Variants in SELENON observed in about 807,000 individuals in gnomAD.
SELENON encodes the protein selenoprotein N, 1.
In SELENON, 44 loss-of-function variants were observed where a neutral mutation model predicts 59.5. The observed-to-expected ratio is 0.74, with a 90% confidence interval of 0.58 to 0.95. The LOEUF (loss-of-function observed/expected upper bound fraction) is 0.95. Among genes scored for constraint, SELENON ranks in the 40% least tolerant of loss-of-function variants. The pLI is 0.00. For synonymous variants in SELENON, 320 were observed against 305.6 expected, an observed-to-expected ratio of 1.05 and a Z score of -0.49; for missense variants, 674 against 721.4, an observed-to-expected ratio of 0.93 and a Z score of 0.75.
In SELENON at chr1:25,812,804, G is replaced by A. The variant is rs764241591; in HGVS notation, c.1387+12G>A. 3.9e-5 allele frequency: 62 copies of A among 1,596,836 alleles called. No homozygotes were observed. The Admixed American group carries it at 5.4e-4, about 14-fold the overall frequency. ...CCAGTCCTGCTGAGGTGAGGGGCCC[G>A]GCTGGATCTAAGGGGAGCAGTGGGA... On this transcript the variant is annotated intron_variant, in intron 10 of 12. Transcript: ENST00000361547.
intron 10 of SELENON, 150 bp downstream of exon 9, chr1:25,812,942 G>A (rs2047979370): frequency 3.2e-6 from 2 of 630,794 alleles, no homozygotes; most frequent in East Asian, 2.8e-5. Flanking sequence ...GGGCTTGGGG[G>A]TTTCTGTGCT....
In SELENON at chr1:25,800,243, C is replaced by G; in HGVS notation, c.13C>G (p.Arg5Gly). ...GCCAGCCGCAGCCATGGGCCGGGCC[C>G]GGCCGGGCCAACGCGGGCCGCCCAG... The change falls in exon 1 of 13, where the codon CGG (arginine) becomes GGG (glycine). Residue 5 changes from arginine (R) to glycine (G), a missense_variant. Physicochemically the swap from Arg to Gly is moderately radical, Grantham distance 125. Transcript: ENST00000361547. 9 of 867,862 alleles carry G rather than the reference C, an allele frequency of 1.0e-5. No individual in the cohort carries two copies. Among genetic ancestry groups the G allele is most frequent in the Non-Finnish European group, 1.2e-5 (9 of 725,368 alleles). 53.8% of individuals were successfully genotyped at this position (867,862 alleles called of 1,614,324 possible). A position where few individuals can be genotyped will look rare whatever the true frequency, so the allele number is the denominator to read the frequency against.
chr1:25,800,499 A>C, intron 1 of SELENON, 86 bp downstream of exon 1: 1 of 728,438 alleles, frequency 1.4e-6, no homozygotes, highest in Non-Finnish European at 1.7e-6. Flanking sequence ...ATGGGCATGG[A>C]CGAGTCGGGG....
intron 4 of SELENON, 74 bp from the exon 4 acceptor site, chr1:25,808,504 ACC>A: frequency 1.9e-6 from 3 of 1,543,152 alleles, no homozygotes; most frequent in Non-Finnish European, 2.7e-6. Context: ...CTTGAGGGAG[ACC>A]TCCACCCACA....
intron 3 of SELENON, among the ~76,000 whole-genome samples, chr1:25,803,160 C>T (rs904227118): frequency 6.6e-6 from 1 of 152,218 alleles, no homozygotes; most frequent in Admixed American, 6.5e-5. Flanking sequence ...CTTGCCTGTA[C>T]TTCTTGTTTT....
At position 25,809,153 on chromosome 1, in the gene SELENON, G is replaced by A; in HGVS notation, c.872+3G>A. 6.2e-7 allele frequency: 1 copy of A among 1,613,680 alleles called. No homozygotes were observed. Among genetic ancestry groups the A allele is most frequent in the Non-Finnish European group, 8.5e-7 (1 of 1,180,020 alleles). On this transcript the variant is annotated splice_donor_region_variant and intron_variant, in intron 6 of 12. Coordinates refer to ENST00000361547, the MANE Select transcript of SELENON (RefSeq NM_020451.3). Reference sequence around the variant, plus strand: ...TTCTACTACACTGTGATGTTCCGGTGAGTGGGCCACACTGGCTGGCCTGGA... The same window carrying A: ...TTCTACTACACTGTGATGTTCCGGTAAGTGGGCCACACTGGCTGGCCTGGA...
In SELENON at chr1:25,813,242, G is replaced by A. The variant is rs561975879; in HGVS notation, c.1387+450G>A. Among the ~76,000 whole-genome samples, 16 of 152,336 alleles carry A rather than the reference G, an allele frequency of 1.1e-4. No homozygotes were observed. In the South Asian group the frequency reaches 2.9e-3, roughly 28 times the overall value. On this transcript the variant is annotated intron_variant, in intron 10 of 12. Coordinates refer to ENST00000361547, the MANE Select transcript of SELENON (RefSeq NM_020451.3). Reference sequence around the variant, plus strand: ...TCACCAGAGGCCCCCTAGATGCAACGTCCTTTGGGTGTCTGGCAGTGGGCA... The same window carrying A: ...TCACCAGAGGCCCCCTAGATGCAACATCCTTTGGGTGTCTGGCAGTGGGCA...
intron 4 of SELENON, 81 bp from the exon 4 acceptor site, chr1:25,808,499 G>C: frequency 6.5e-7 from 1 of 1,546,324 alleles, no homozygotes; most frequent in Non-Finnish European, 8.9e-7. Flanking sequence ...CGGGGCTTGA[G>C]GGAGACCTCC....
chr1:25,813,589 T>C (rs1281692366), intron 10 of SELENON: 1 of 485,018 alleles, frequency 2.1e-6, no homozygotes, highest in Non-Finnish European at 4.0e-6. Context: ...AGGAACAGCC[T>C]GTGTGAAGGC....
Position 25,815,947 on chromosome 1 carries a change from G to A in SELENON, c.*229G>A, listed in dbSNP as rs545803890. 3.2e-5 allele frequency: 18 copies of A among 557,594 alleles called. No homozygotes were observed. The highest frequency in any genetic ancestry group is 4.9e-5 in the Non-Finnish European group (15 of 309,026). The allele number at this position is 557,594 out of a possible 1,614,324, so 34.5% of individuals were successfully genotyped here. On this transcript the variant is annotated 3_prime_UTR_variant, in exon 13 of 13. Coordinates refer to ENST00000361547, the MANE Select transcript of SELENON (RefSeq NM_020451.3). The stretch of plus-strand genomic sequence containing the variant: ...GAACCTCTAGCTCTGACTGTCACTC[G>A]GCTCTCCCTACCCATTTGGCTCTGG...
intron 3 of SELENON, 94 bp from the exon 3 acceptor site, chr1:25,805,048 C>G: frequency 6.4e-7 from 1 of 1,559,492 alleles, no homozygotes; most frequent in Non-Finnish European, 8.8e-7. Flanking sequence ...CACCCCCTGC[C>G]TGGCTCCGTT....
At chr1:25,814,027 G>A (rs781272454) in intron 11 of SELENON, 34 bp downstream of exon 10, 25 of 1,610,998 alleles carry the variant, frequency 1.6e-5, no homozygotes, top group Admixed American at 1.3e-4. Context: ...AGGAGCGTCC[G>A]GAACAGTGGT....
intron 1 of SELENON, 152 bp from the exon 2 acceptor site, chr1:25,800,891 C>G: frequency 1.3e-6 from 1 of 759,512 alleles, no homozygotes; most frequent in East Asian, 2.5e-5. Flanking sequence ...TGGGGCAGTT[C>G]AGAGGCAACA....
At position 25,815,902 on chromosome 1, in the gene SELENON, C is replaced by T. The variant is rs2048007175; in HGVS notation, c.*184C>T. 3 of 615,098 alleles carry T rather than the reference C, an allele frequency of 4.9e-6. No homozygotes were observed. Among genetic ancestry groups the T allele is most frequent in the Admixed American group, 5.7e-5 (2 of 35,318 alleles). 38.1% of individuals were successfully genotyped at this position (615,098 alleles called of 1,614,324 possible). A position where few individuals can be genotyped will look rare whatever the true frequency, so the allele number is the denominator to read the frequency against. On this transcript the variant is annotated 3_prime_UTR_variant, in exon 13 of 13. Transcript: ENST00000361547. Reference sequence around the variant, plus strand: ...CATGGTGGCGGGTAGACAAGGGATGCCTGGGCTGACTGGGCAGAGGAACCT... The same window carrying T: ...CATGGTGGCGGGTAGACAAGGGATGTCTGGGCTGACTGGGCAGAGGAACCT...
chr1:25,805,382 AG>A (rs2047898415), intron 4 of SELENON, 107 bp downstream of exon 3: 1 of 1,471,138 alleles, frequency 6.8e-7, no homozygotes, highest in Non-Finnish European at 9.4e-7. Flanking sequence ...CACTAGAGCC[AG>A]GCCCTGGAGG....
At chr1:25,806,839 T>G (rs1262169493) in intron 4 of SELENON, among the ~76,000 whole-genome samples, 9 of 148,894 alleles carry the variant, frequency 6.0e-5, no homozygotes, top group Admixed American at 4.0e-4. Flanking sequence ...TTTTTTTTTT[T>G]GGGACGGAGT....
Position 25,814,137 on chromosome 1 carries a change from T to A in SELENON, c.1561T>A (p.Phe521Ile), listed in dbSNP as rs775434388. ...TGGCCTGCACCTGGAGAAGTACAGC[T>A]TCCCCGTGGAGATGATGATCTGCCT... The change falls in exon 12 of 13, where the codon TTC becomes ATC. Residue 521 changes from phenylalanine to isoleucine, a missense_variant. Transcript: ENST00000361547. The A allele has an allele frequency of 1.2e-6, 2 of 1,614,162 alleles. No individual in the cohort carries two copies. The highest frequency in any genetic ancestry group is 3.3e-5 in the Admixed American group (2 of 60,024).
At chr1:25,800,478 G>T in intron 1 of SELENON, 65 bp downstream of exon 1, 1 of 938,784 alleles carries the variant, frequency 1.1e-6, no homozygotes, top group South Asian at 4.8e-5. Flanking sequence ...AGCCTCGGCA[G>T]CAGGGGGGAC....
chr1:25,814,280 T>G, intron 12 of SELENON, 102 bp downstream of exon 11: 1 of 855,304 alleles, frequency 1.2e-6, no homozygotes, highest in East Asian at 2.7e-5. Context: ...GCTTCGGGAC[T>G]GTCCCTGCCA....
Sources: gnomAD v4.1 joint callset for allele counts (sites outside exome capture counted in the v4.1 genomes callset) on GRCh38, gnomAD v4.1.1 for gene constraint, MANE v1.5 for transcripts, NCBI Gene and HGNC (gene_info 2026-07-23, HGNC 2026-07-21) for gene names.